Variants in SND1 observed in about 807,000 individuals in gnomAD.
SND1 encodes staphylococcal nuclease and tudor domain containing 1, also known as staphylococcal nuclease domain-containing protein 1.
Under a neutral mutation model 121.7 loss-of-function variants are expected in SND1, and 38 were observed. The ratio of observed to expected loss-of-function variants is 0.31; its 90% CI spans 0.24 to 0.41. The LOEUF (loss-of-function observed/expected upper bound fraction) is 0.41, where lower values mean the gene tolerates loss of function less well. Ranked by LOEUF, SND1 falls within the 10% of genes least tolerant of loss-of-function variation. The pLI, the probability that SND1 is intolerant of heterozygous loss-of-function variation, is 1.00. For synonymous variants in SND1, 401 were observed against 447.4 expected, an observed-to-expected ratio of 0.90 and a Z score of 1.31; for missense variants, 868 against 1,184.6, an observed-to-expected ratio of 0.73 and a Z score of 3.92.
chr7:127,982,031 C>T lies in SND1; in HGVS notation c.1670-8916C>T, dbSNP rs116440092. 4.8e-3 allele frequency among the ~76,000 whole-genome samples: 727 copies of T among 152,206 alleles called. 3 individuals carry two copies. Among genetic ancestry groups the T allele is most frequent in the African/African-American group, 0.013 (533 of 41,502 alleles). ...TGAGCATCTTCTGTTTGCCAGATAC[C>T]GGGGATGTAGAGAGAAGTGGCATAT... On this transcript the variant is annotated intron_variant, in intron 15 of 23. Coordinates refer to ENST00000354725, the MANE Select transcript of SND1 (RefSeq NM_014390.4).
At chr7:127,764,229 C>G (rs1037165232) in intron 10 of SND1, among the ~76,000 whole-genome samples, 1 of 152,136 alleles carries the variant, frequency 6.6e-6, no homozygotes, top group African/African-American at 2.4e-5. Context: ...TTGCCATTGA[C>G]TTTTTACTTA....
chr7:127,652,533 C>A, intron 1 of SND1, 82 bp downstream of exon 1: 1 of 1,160,228 alleles, frequency 8.6e-7, no homozygotes, highest in Non-Finnish European at 1.2e-6. Context: ...CGCCAGCCTG[C>A]TCCATGTCCC....
At chr7:128,022,304 GTAAT>G (rs1803373992) in intron 16 of SND1, among the ~76,000 whole-genome samples, 1 of 151,180 alleles carries the variant, frequency 6.6e-6, no homozygotes, top group South Asian at 2.1e-4. Context: ...TTAAACTGTA[GTAAT>G]TACTCTAGTA....
In SND1 at chr7:127,817,159, T is replaced by A. The variant is rs150582984; in HGVS notation, c.1242+9586T>A. 1.2e-3 allele frequency among the ~76,000 whole-genome samples: 190 copies of A among 152,324 alleles called. 1 individual carries two copies. Among genetic ancestry groups the A allele is most frequent in the Middle Eastern group, 0.01 (3 of 294 alleles). On this transcript the variant is annotated intron_variant, in intron 11 of 23. Coordinates refer to ENST00000354725, the MANE Select transcript of SND1 (RefSeq NM_014390.4). ...TGCTTGCAGTCTAACTGGAGTGAGA[T>A]GACATCTGTTGTATAAGAAGTTGAA...
chr7:127,770,744 G>T (rs1797499714), intron 10 of SND1, among the ~76,000 whole-genome samples: 1 of 152,138 alleles, frequency 6.6e-6, no homozygotes, highest in Non-Finnish European at 1.5e-5. Context: ...GTGGTGGAAT[G>T]AATGTGTTGA....
intron 3 of SND1, among the ~76,000 whole-genome samples, chr7:127,697,450 T>A (rs577950338): frequency 4.6e-5 from 7 of 152,356 alleles, no homozygotes; most frequent in Non-Finnish European, 1.0e-4. Flanking sequence ...TCACTCACCT[T>A]GTTTGTACCT....
intron 16 of SND1, among the ~76,000 whole-genome samples, chr7:128,069,266 A>T (rs1300141836): frequency 6.6e-6 from 1 of 152,242 alleles, no homozygotes; most frequent in Non-Finnish European, 1.5e-5. Flanking sequence ...GACCCTTCTC[A>T]TCAGAGGTAT....
At chr7:128,080,543 G>C (rs746412593) in intron 17 of SND1, among the ~76,000 whole-genome samples, 3 of 152,188 alleles carry the variant, frequency 2.0e-5, no homozygotes, top group Non-Finnish European at 4.4e-5. Context: ...ACTGCTTCAG[G>C]AGCACCAGGA....
intron 16 of SND1, among the ~76,000 whole-genome samples, chr7:128,047,660 A>G (rs1792972444): frequency 6.6e-6 from 1 of 152,226 alleles, no homozygotes; most frequent in Non-Finnish European, 1.5e-5. Flanking sequence ...AAACTAAGAC[A>G]TAATCAGAGT....
At chr7:127,960,075 C>T (rs902477402) in intron 15 of SND1, among the ~76,000 whole-genome samples, 18 of 152,304 alleles carry the variant, frequency 1.2e-4, no homozygotes, top group African/African-American at 3.4e-4. Context: ...GCTGGCCATT[C>T]GTCTCTGGAA....
intron 16 of SND1, among the ~76,000 whole-genome samples, chr7:128,022,075 G>A (rs550422066): frequency 6.0e-4 from 91 of 151,880 alleles, no homozygotes; most frequent in African/African-American, 2.0e-3. Flanking sequence ...GTGGTGGTGC[G>A]CACCTGTAAT....
At chr7:128,068,571 G>A (rs1016404646) in intron 16 of SND1, among the ~76,000 whole-genome samples, 2 of 152,206 alleles carry the variant, frequency 1.3e-5, no homozygotes, top group African/African-American at 4.8e-5. Context: ...CAGGGACCAA[G>A]TGTATATTTC....
At chr7:127,684,618 T>G (rs1795782016) in intron 1 of SND1, among the ~76,000 whole-genome samples, 1 of 152,240 alleles carries the variant, frequency 6.6e-6, no homozygotes, top group South Asian at 2.1e-4. Flanking sequence ...AGAGCTTATC[T>G]TTTGGAATGT....
chr7:127,878,124 C>T (rs932401888), intron 12 of SND1, among the ~76,000 whole-genome samples: 6 of 152,070 alleles, frequency 3.9e-5, no homozygotes, highest in Non-Finnish European at 8.8e-5. Flanking sequence ...GTCCATATAT[C>T]AATCTTCATT....
chr7:127,734,511 A>C (rs1587628304), intron 10 of SND1, among the ~76,000 whole-genome samples: 1 of 152,312 alleles, frequency 6.6e-6, no homozygotes, highest in South Asian at 2.1e-4. Flanking sequence ...AGAGAAAAGG[A>C]TGCAGGTTAA....
chr7:128,068,594 C>T (rs962794405), intron 16 of SND1, among the ~76,000 whole-genome samples: 1 of 152,222 alleles, frequency 6.6e-6, no homozygotes, highest in Non-Finnish European at 1.5e-5. Context: ...GAGCCCAGGG[C>T]ACTGAGACTG....
chr7:128,082,097 G>T, intron 18 of SND1: 1 of 382,618 alleles, frequency 2.6e-6, no homozygotes, highest in Non-Finnish European at 5.4e-6. Flanking sequence ...CTGTGGCCAG[G>T]GTCCCCTGGG....
rs78049968 is a variant in SND1, at chr7:127,931,167, G to C, written c.1669+1838G>C. Among the ~76,000 whole-genome samples the C allele has an allele frequency of 3.1e-3, 468 of 152,276 alleles. 2 individuals carry two copies. The highest frequency in any genetic ancestry group is 4.8e-3 in the Non-Finnish European group (325 of 68,014). On this transcript the variant is annotated intron_variant, in intron 15 of 23. Transcript: ENST00000354725. ...GCAGTGGTGCATGCCTGTACTCCCA[G>C]CTACTCAGCAGGCTGAGCCCAGGAG...
intron 10 of SND1, among the ~76,000 whole-genome samples, chr7:127,776,351 G>A (rs933001064): frequency 2.6e-5 from 4 of 151,762 alleles, no homozygotes; most frequent in Non-Finnish European, 5.9e-5. Context: ...GGGGCAGGGT[G>A]GAAAAAGTAA....
Sources: allele counts gnomAD v4.1 joint callset (sites outside exome capture counted in the v4.1 genomes callset), GRCh38; gene constraint gnomAD v4.1.1; transcripts MANE v1.5; gene names NCBI Gene and HGNC (gene_info 2026-07-23, HGNC 2026-07-21).